IRAK1BP1: variants seen among roughly 807,000 people sequenced by gnomAD.
The protein encoded by IRAK1BP1 is interleukin-1 receptor-associated kinase 1-binding protein 1.
A neutral mutation model predicts 28.0 loss-of-function variants in IRAK1BP1; 24 were observed. That is an observed-to-expected ratio of 0.86 (90% CI 0.62 to 1.20). IRAK1BP1 has a LOEUF of 1.20. Among genes scored for constraint, IRAK1BP1 ranks in the 50% most tolerant of loss-of-function variants. IRAK1BP1 has a pLI of 0.00. For missense variants in IRAK1BP1, 336 were observed against 316.7 expected, an observed-to-expected ratio of 1.06 and a Z score of -0.46; for synonymous variants, 131 against 116.3, an observed-to-expected ratio of 1.13 and a Z score of -0.81.
chr6:78,912,788 C>G (rs1292370655), intron 4 of IRAK1BP1, among the ~76,000 whole-genome samples: 1 of 151,926 alleles, frequency 6.6e-6, no homozygotes, highest in Non-Finnish European at 1.5e-5. Flanking sequence ...AAATTATTAT[C>G]GTATGAAGAG....
chr6:78,934,019 G>A (rs947509656), intron 4 of IRAK1BP1, among the ~76,000 whole-genome samples: 1 of 152,118 alleles, frequency 6.6e-6, no homozygotes, highest in African/African-American at 2.4e-5. Flanking sequence ...TGAGAGACTT[G>A]AGACTCTTCT....
chr6:78,893,433 A>C (rs1325529288), intron 2 of IRAK1BP1, among the ~76,000 whole-genome samples: 1 of 149,844 alleles, frequency 6.7e-6, no homozygotes, highest in East Asian at 2.0e-4. Flanking sequence ...GTAAGCTGAA[A>C]TAATTCATTA....
chr6:78,938,577 A>G (rs145766521), intron 4 of IRAK1BP1: 1 of 151,734 alleles, frequency 6.6e-6, no homozygotes, highest in African/African-American at 2.4e-5. Flanking sequence ...ATACACTATT[A>G]TTTTCAAGAA....
At chr6:78,887,280 A>G (rs1256154195) in intron 2 of IRAK1BP1, among the ~76,000 whole-genome samples, 1 of 152,218 alleles carries the variant, frequency 6.6e-6, no homozygotes, top group African/African-American at 2.4e-5. Flanking sequence ...GGTATAGAAA[A>G]AGGTGTTCAG....
chr6:78,869,505 G>A (rs1770716217), intron 1 of IRAK1BP1, among the ~76,000 whole-genome samples: 2 of 152,278 alleles, frequency 1.3e-5, no homozygotes, highest in South Asian at 4.1e-4. Flanking sequence ...GGGTGACAGA[G>A]ACTCTGTCTC....
At chr6:78,883,210 A>G (rs544069046) in intron 1 of IRAK1BP1, among the ~76,000 whole-genome samples, 3 of 152,178 alleles carry the variant, frequency 2.0e-5, no homozygotes, top group Non-Finnish European at 4.4e-5. Context: ...ACGGTGAGCC[A>G]TGCTTGTACC....
At chr6:78,969,929 C>A in the IRAK1BP1 span, 11 of 1,581,642 alleles carry the variant, frequency 7.0e-6, no homozygotes, top group Non-Finnish European at 9.5e-6. Context: ...TAATTACAAA[C>A]AGAAACAAAT....
At chr6:78,947,536 C>T, downstream of IRAK1BP1, 5 of 647,444 alleles carry the variant, frequency 7.7e-6, no homozygotes, top group South Asian at 7.5e-5. Context: ...TAACTTTGAC[C>T]TAAATTTTAA....
the IRAK1BP1 span, chr6:78,965,694 C>A: frequency 6.8e-7 from 1 of 1,476,788 alleles, no homozygotes; most frequent in Non-Finnish European, 9.4e-7. Flanking sequence ...AAGCCTAACA[C>A]ACACTTACCA....
intron 4 of IRAK1BP1, among the ~76,000 whole-genome samples, chr6:78,917,632 T>TAAAAAAAAAAAAAA (rs35313944): frequency 6.3e-5 from 4 of 63,680 alleles, no homozygotes; most frequent in South Asian, 5.7e-4. Flanking sequence ...AAGTCAACAC[T>TAAAAAAAAAAAAAA]AAAAAAAAAA....
chr6:78,940,550 T>TTTTG (rs1773441652), intron 4 of IRAK1BP1: 1 of 126,718 alleles, frequency 7.9e-6, no homozygotes, highest in Non-Finnish European at 1.8e-5. Context: ...GTAAGTTTGT[T>TTTTG]TTTTTTTTTT....
chr6:78,943,441 A>G (rs1043333829), intron 4 of IRAK1BP1, among the ~76,000 whole-genome samples: 4 of 152,216 alleles, frequency 2.6e-5, no homozygotes, highest in African/African-American at 9.6e-5. Context: ...AATAAAAAGA[A>G]GCAAGGCCAA....
At chr6:78,939,431 T>C (rs1773387237) in intron 4 of IRAK1BP1, 1 of 151,852 alleles carries the variant, frequency 6.6e-6, no homozygotes, top group East Asian at 1.9e-4. Flanking sequence ...AAAAAGTGAT[T>C]TGGCCTATTT....
chr6:78,890,466 A>T (rs1771607811), intron 2 of IRAK1BP1, among the ~76,000 whole-genome samples: 1 of 152,138 alleles, frequency 6.6e-6, no homozygotes, highest in Non-Finnish European at 1.5e-5. Flanking sequence ...GAATAAAATA[A>T]TCAAAAAAAT....
chr6:78,968,646 A>T, the IRAK1BP1 span, among the ~76,000 whole-genome samples: 1 of 152,214 alleles, frequency 6.6e-6, no homozygotes, highest in Non-Finnish European at 1.5e-5. Context: ...TCCATATTCA[A>T]TTTTTAATCA....
Position 78,945,082 on chromosome 6 carries a change from CT to C in IRAK1BP1, c.*68-312del, listed in dbSNP as rs879391783. ...TAATTTAAACTTTGAAGATTTATTT[CT>C]TTTTTTTTTTTTTCTTTTGAGACAG... On this transcript the variant is annotated intron_variant and NMD_transcript_variant, in intron 4 of 4. Transcript: ENST00000606868. 0.019 allele frequency among the ~76,000 whole-genome samples: 2,641 copies of C among 141,656 alleles called. 57 individuals are homozygous for C. The highest frequency in any genetic ancestry group is 0.06 in the African/African-American group (2,332 of 38,996). The allele number at this position is 141,656 out of a possible 152,430, so 92.9% of individuals were successfully genotyped here.
intron 4 of IRAK1BP1, among the ~76,000 whole-genome samples, chr6:78,910,074 C>A (rs1184235450): frequency 1.3e-5 from 2 of 152,234 alleles, no homozygotes; most frequent in East Asian, 3.9e-4. Flanking sequence ...AACGATGACC[C>A]TTCGGAGTTT....
intron 4 of IRAK1BP1, among the ~76,000 whole-genome samples, chr6:78,913,154 T>C (rs1219219518): frequency 2.0e-5 from 3 of 150,624 alleles, no homozygotes; most frequent in African/African-American, 7.4e-5. Flanking sequence ...GCTAACACGG[T>C]GAAACCCCAT....
chr6:78,889,598 A>G (rs962609589), intron 2 of IRAK1BP1, among the ~76,000 whole-genome samples: 1 of 152,100 alleles, frequency 6.6e-6, no homozygotes, highest in South Asian at 2.1e-4. Context: ...TCCCCATCAA[A>G]AAGTGGGTTG....
Sources: allele counts gnomAD v4.1 joint callset (sites outside exome capture counted in the v4.1 genomes callset), GRCh38; gene constraint gnomAD v4.1.1; transcripts MANE v1.5; gene names NCBI Gene and HGNC (gene_info 2026-07-23, HGNC 2026-07-21).